The following KBTBD12 variants were observed in gnomAD, a reference collection of about 807,000 sequenced individuals.
KBTBD12 encodes kelch repeat and BTB domain containing 12, also known as kelch repeat and BTB domain-containing protein 12.
KBTBD12 carries 53 observed loss-of-function variants against 58.7 expected under a neutral mutation model. That is an observed-to-expected ratio of 0.90 (90% CI 0.72 to 1.14). The LOEUF (loss-of-function observed/expected upper bound fraction) is 1.14, where lower values mean the gene tolerates loss of function less well. Among genes scored for constraint, KBTBD12 ranks in the 50% most tolerant of loss-of-function variants. The pLI is 0.00. For synonymous variants in KBTBD12, 236 were observed against 259.8 expected (o/e 0.91, Z 0.88); for missense variants, 704 against 751.3 (o/e 0.94, Z 0.74).
At chr3:127,927,217 T>G (rs1458139312) in intron 2 of KBTBD12, among the ~76,000 whole-genome samples, 1 of 152,146 alleles carries the variant, frequency 6.6e-6, no homozygotes, top group African/African-American at 2.4e-5. Context: ...TTTTATACAG[T>G]GCTCTTGACC....
chr3:127,985,893 G>A lies in KBTBD12; in HGVS notation c.*1615G>A, dbSNP rs1422972633. On this transcript the variant is annotated 3_prime_UTR_variant, in exon 6 of 6. Coordinates refer to ENST00000405109, the MANE Select transcript of KBTBD12 (RefSeq NM_207335.4). The stretch of plus-strand genomic sequence containing the variant: ...GGGCCCCGAGCACGTCCAGGAATCT[G>A]AGTTAAAGTGAGCTTACTCTTTCCC... 2.0e-5 allele frequency: 3 copies of A among 152,344 alleles called. No individual in the cohort carries two copies. In the East Asian group the frequency reaches 5.8e-4, roughly 29 times the overall value. The allele number at this position is 152,344 out of a possible 1,614,324, so 9.4% of individuals were successfully genotyped here. A position where few individuals can be genotyped will look rare whatever the true frequency, so the allele number is the denominator to read the frequency against.
At chr3:127,966,320 C>T (rs1048432631) in intron 5 of KBTBD12, among the ~76,000 whole-genome samples, 2 of 152,138 alleles carry the variant, frequency 1.3e-5, no homozygotes, top group Non-Finnish European at 2.9e-5. Context: ...TCTTTTATGG[C>T]ATCCCACTCT....
intron 5 of KBTBD12, among the ~76,000 whole-genome samples, chr3:127,979,081 A>G (rs1465422868): frequency 6.6e-6 from 1 of 152,248 alleles, no homozygotes; most frequent in Non-Finnish European, 1.5e-5. Flanking sequence ...GGCCTACCTA[A>G]CTGGGTCAGT....
chr3:127,948,559 G>C (rs189949477), intron 4 of KBTBD12, among the ~76,000 whole-genome samples: 1 of 152,332 alleles, frequency 6.6e-6, no homozygotes, highest in Admixed American at 6.5e-5. Flanking sequence ...GGAAGAGTGG[G>C]ATAAAGCACA....
Position 127,919,082 on chromosome 3 carries a change from A to C in KBTBD12, c.-113+3496A>C, listed in dbSNP as rs73860730. On this transcript the variant is annotated intron_variant, in intron 1 of 5. Coordinates refer to ENST00000405109, the MANE Select transcript of KBTBD12 (RefSeq NM_207335.4). ...GTAAGACCCTGCTCCTGTCCTATCC[A>C]CAGACTGGAATTTAGCCCTGTCCAA... Among the ~76,000 whole-genome samples, 719 of 152,282 alleles carry C rather than the reference A, an allele frequency of 4.7e-3. 12 individuals carry two copies. Among genetic ancestry groups the C allele is most frequent in the African/African-American group, 0.017 (695 of 41,552 alleles).
Position 127,942,626 on chromosome 3 carries a change from ATATATATAAC to A in KBTBD12, c.1492+12362_1492+12371del, listed in dbSNP as rs577397819. Among the ~76,000 whole-genome samples the A allele has an allele frequency of 4.6e-3, 681 of 148,620 alleles. 2 individuals are homozygous for A. Among genetic ancestry groups the A allele is most frequent in the Middle Eastern group, 0.011 (3 of 278 alleles). ...AGATGAGCATTCTTGTGTTAGTTAT[ATATATATAAC>A]TATATATAACTATATATATAACTAC... is the stretch of plus-strand genomic sequence containing the variant. On this transcript the variant is annotated intron_variant, in intron 4 of 5. Transcript: ENST00000405109.
At chr3:127,958,564 T>A (rs182565322) in intron 4 of KBTBD12, among the ~76,000 whole-genome samples, 1 of 152,136 alleles carries the variant, frequency 6.6e-6, no homozygotes, top group Non-Finnish European at 1.5e-5. Flanking sequence ...TGGGACAGCA[T>A]TGTGTAATTG....
Position 127,930,813 on chromosome 3 carries a change from C to T in KBTBD12, c.1492+530C>T, listed in dbSNP as rs553773777. Among the ~76,000 whole-genome samples, 7 of 152,196 alleles carry T rather than the reference C, an allele frequency of 4.6e-5. No homozygotes were observed. The South Asian group carries it at 1.5e-3, about 32-fold the overall frequency. On this transcript the variant is annotated intron_variant, in intron 4 of 5. Transcript: ENST00000405109. ...TCTTATATGTATGGTCTTGTACTAA[C>T]CATAACTAACAAGAATTGGTAAAAG...
chr3:127,951,724 G>A (rs1204094214), intron 4 of KBTBD12, among the ~76,000 whole-genome samples: 1 of 151,834 alleles, frequency 6.6e-6, no homozygotes, highest in Non-Finnish European at 1.5e-5. Flanking sequence ...CATCACCATT[G>A]TTAATTTTGT....
intron 4 of KBTBD12, among the ~76,000 whole-genome samples, chr3:127,936,041 T>C (rs1939823296): frequency 6.6e-6 from 1 of 152,052 alleles, no homozygotes; most frequent in Non-Finnish European, 1.5e-5. Flanking sequence ...GTGTCATACC[T>C]AAAAAGAGAG....
At chr3:127,919,785 A>T (rs562197514) in intron 1 of KBTBD12, among the ~76,000 whole-genome samples, 16 of 150,834 alleles carry the variant, frequency 1.1e-4, no homozygotes, top group African/African-American at 3.4e-4. Context: ...CTCTCTCTCT[A>T]ATATATATAT....
Position 127,945,164 on chromosome 3 carries a change from C to CTTTTTTTT in KBTBD12, c.1492+14912_1492+14919dup, listed in dbSNP as rs56216317. Among the ~76,000 whole-genome samples the CTTTTTTTT allele has an allele frequency of 3.2e-3, 91 of 28,772 alleles. 34 individuals are homozygous for CTTTTTTTT. The highest frequency in any genetic ancestry group is 4.4e-3 in the African/African-American group (37 of 8,428). The allele number at this position is 28,772 out of a possible 152,430, so 18.9% of individuals were successfully genotyped here. ...TGTTTTTTTTAAAAATAGTAGCTAT[C>CTTTTTTTT]TTTTTTTTTTTTTTTTTTTTTTTTT... On this transcript the variant is annotated intron_variant, in intron 4 of 5. Transcript: ENST00000405109.
At chr3:127,950,133 A>C (rs910312860) in intron 4 of KBTBD12, among the ~76,000 whole-genome samples, 7 of 152,236 alleles carry the variant, frequency 4.6e-5, no homozygotes, top group African/African-American at 1.7e-4. Flanking sequence ...TGAGTAATTT[A>C]ACTTGACACA....
At chr3:127,928,513 A>C (rs1438246389) in intron 3 of KBTBD12, among the ~76,000 whole-genome samples, 1 of 152,274 alleles carries the variant, frequency 6.6e-6, no homozygotes, top group Non-Finnish European at 1.5e-5. Flanking sequence ...TGTGATTGTA[A>C]CACTTGATGT....
intron 5 of KBTBD12, among the ~76,000 whole-genome samples, chr3:127,976,114 C>T (rs1054017637): frequency 4.6e-5 from 7 of 152,302 alleles, no homozygotes; most frequent in African/African-American, 1.4e-4. Flanking sequence ...AAGCTGCATA[C>T]ATCACACAAT....
rs189238316 is a variant in KBTBD12 at position 127,982,311 on chromosome 3, A to G, written c.1691-1786A>G. Among the ~76,000 whole-genome samples, 6 of 152,320 alleles carry G rather than the reference A, an allele frequency of 3.9e-5. No homozygotes were observed. The East Asian group carries it at 1.2e-3, about 29-fold the overall frequency. On this transcript the variant is annotated intron_variant, in intron 5 of 5. Coordinates refer to ENST00000405109, the MANE Select transcript of KBTBD12 (RefSeq NM_207335.4). ...GGCTGGCCAGTCCTTAAGGACAAGA[A>G]AGGGCTCTGCCTGGAGCACATCTTT...
intron 1 of KBTBD12, among the ~76,000 whole-genome samples, chr3:127,921,009 T>G (rs985918965): frequency 6.6e-6 from 1 of 152,028 alleles, no homozygotes; most frequent in African/African-American, 2.4e-5. Flanking sequence ...TCTCTTCACT[T>G]AGGAGCTGTG....
Position 127,927,865 on chromosome 3 carries a change from G to A in KBTBD12, c.1172G>A (p.Gly391Glu). ...GSIHNDLYVI[G>E]GQMKIKNQYL... ...ATTCATAATGACCTTTATGTTATAGGAGGACAGATGAAAATTAAAAACCAG... is the reference window on the plus strand; with the variant it reads ...ATTCATAATGACCTTTATGTTATAGAAGGACAGATGAAAATTAAAAACCAG... The change falls in exon 3 of 6, where the codon GGA (glycine) becomes GAA (glutamate). Residue 391 changes from glycine to glutamate, a missense_variant. Physicochemically the swap from Gly to Glu is moderately conservative, Grantham distance 98. Coordinates refer to ENST00000405109, the MANE Select transcript of KBTBD12 (RefSeq NM_207335.4). 1 of 1,613,050 alleles carries A rather than the reference G, an allele frequency of 6.2e-7. No individual in the cohort carries two copies. The highest frequency in any genetic ancestry group is 8.5e-7 in the Non-Finnish European group (1 of 1,179,200).
At chr3:127,931,659 G>GA in intron 4 of KBTBD12, among the ~76,000 whole-genome samples, 1 of 152,262 alleles carries the variant, frequency 6.6e-6, no homozygotes, top group East Asian at 1.9e-4. Flanking sequence ...AACTACATGG[G>GA]AAAGGCACTC....
Sources: allele counts gnomAD v4.1 joint callset (sites outside exome capture counted in the v4.1 genomes callset), GRCh38; gene constraint gnomAD v4.1.1; transcripts MANE v1.5; gene names NCBI Gene and HGNC (gene_info 2026-07-23, HGNC 2026-07-21).